GAN: variants seen among roughly 807,000 people sequenced by gnomAD.
GAN encodes gigaxonin.
Under a neutral mutation model 71.3 loss-of-function variants are expected in GAN, and 48 were observed. The observed-to-expected ratio is 0.67, with a 90% CI of 0.53 to 0.86. The LOEUF is 0.86. Ranked by LOEUF, GAN falls within the 40% of genes least tolerant of loss-of-function variation. The pLI is 0.00. For synonymous variants in GAN, 386 were observed against 276.8 expected (o/e 1.39, Z -3.92); for missense variants, 928 against 770.1 (o/e 1.21, Z -2.43).
chr16:81,373,407 C>T (rs1465587710), intron 9 of GAN, among the ~76,000 whole-genome samples: 1 of 152,186 alleles, frequency 6.6e-6, no homozygotes, highest in African/African-American at 2.4e-5. Flanking sequence ...TATTACATAG[C>T]AGGGTCTAGA....
chr16:81,378,541 C>A lies in GAN; in HGVS notation c.*945C>A, dbSNP rs1904290023. 6.6e-6 allele frequency: 1 copy of A among 152,358 alleles called. No individual in the cohort carries two copies. The highest frequency in any genetic ancestry group is 1.5e-5 in the Non-Finnish European group (1 of 68,028). 9.4% of individuals were successfully genotyped at this position (152,358 alleles called of 1,614,324 possible). A position where few individuals can be genotyped will look rare whatever the true frequency, so the allele number is the denominator to read the frequency against. ...CTATCCAGACAAAATACATAGGGAT[C>A]AGAAACTTTTTCATATAACCTGTCT... On this transcript the variant is annotated 3_prime_UTR_variant, in exon 11 of 11. Transcript: ENST00000648994.
At chr16:81,361,142 T>G (rs1414963473) in intron 5 of GAN, among the ~76,000 whole-genome samples, 1 of 152,150 alleles carries the variant, frequency 6.6e-6, no homozygotes, top group African/African-American at 2.4e-5. Flanking sequence ...GGAGAATCGC[T>G]TGAACCCAGG....
chr16:81,342,999 C>A (rs111296276), intron 1 of GAN, among the ~76,000 whole-genome samples: 1 of 152,100 alleles, frequency 6.6e-6, no homozygotes, highest in Non-Finnish European at 1.5e-5. Context: ...ACTATGAACA[C>A]CTCTACAGAA....
At chr16:81,376,638 GTGTGTA>G (rs1567500988) in intron 9 of GAN, among the ~76,000 whole-genome samples, 1 of 16,144 alleles carries the variant, frequency 6.2e-5, no homozygotes, top group Non-Finnish European at 1.2e-4. Context: ...ATACATATAT[GTGTGTA>G]TATATGTGTG....
At chr16:81,373,694 A>G (rs182054864) in intron 9 of GAN, among the ~76,000 whole-genome samples, 1 of 152,172 alleles carries the variant, frequency 6.6e-6, no homozygotes, top group Non-Finnish European at 1.5e-5. Context: ...CCAGGATTCT[A>G]CCTTGCATTC....
intron 2 of GAN, among the ~76,000 whole-genome samples, chr16:81,353,992 G>C (rs1372924229): frequency 2.0e-5 from 3 of 152,152 alleles, no homozygotes; most frequent in Non-Finnish European, 4.4e-5. Context: ...GAACTTCATA[G>C]GTGGGGAGGC....
At chr16:81,318,556 G>T (rs543111642) in intron 1 of GAN, among the ~76,000 whole-genome samples, 1 of 152,250 alleles carries the variant, frequency 6.6e-6, no homozygotes, top group East Asian at 1.9e-4. Context: ...CTTACTATGT[G>T]CCCAACAAAG....
intron 1 of GAN, among the ~76,000 whole-genome samples, chr16:81,344,576 C>T (rs999551733): frequency 1.3e-5 from 2 of 152,096 alleles, no homozygotes; most frequent in African/African-American, 4.8e-5. Context: ...AAAACTGAAA[C>T]TGGACCTTCT....
chr16:81,346,750 A>C (rs900033251), intron 1 of GAN, among the ~76,000 whole-genome samples: 13 of 152,072 alleles, frequency 8.5e-5, no homozygotes, highest in Non-Finnish European at 1.8e-4. Flanking sequence ...CTCTGGGGAA[A>C]ACTTCAGGGT....
In GAN at chr16:81,387,221, A is replaced by T. The variant is rs1904428519; in HGVS notation, c.*9625A>T. On this transcript the variant is annotated 3_prime_UTR_variant, in exon 11 of 11. Coordinates refer to ENST00000648994, the MANE Select transcript of GAN (RefSeq NM_022041.4). ...AATGTAAAGTCTTACGTCTCGGTTC[A>T]AGAAAGCACGTTGCTATATGAAATT... The T allele has an allele frequency of 6.6e-6, 1 of 152,252 alleles. No homozygotes were observed. The highest frequency in any genetic ancestry group is 2.1e-4 in the South Asian group (1 of 4,828). The allele number at this position is 152,252 out of a possible 1,614,324, so 9.4% of individuals were successfully genotyped here. A position where few individuals can be genotyped will look rare whatever the true frequency, so the allele number is the denominator to read the frequency against.
chr16:81,351,926 G>A (rs1910313389), intron 2 of GAN, among the ~76,000 whole-genome samples: 1 of 152,184 alleles, frequency 6.6e-6, no homozygotes, highest in Non-Finnish European at 1.5e-5. Flanking sequence ...ATCTCAGTTT[G>A]TTGCTACCAT....
chr16:81,362,665 TTC>T, intron 6 of GAN, 54 bp downstream of exon 6: 1 of 954,966 alleles, frequency 1.0e-6, no homozygotes, highest in Non-Finnish European at 1.7e-6. Context: ...CCCTTAGCGC[TTC>T]TGTTTGTTTT....
At position 81,382,292 on chromosome 16, in the gene GAN, A is replaced by C. The variant is rs946314025; in HGVS notation, c.*4696A>C. On this transcript the variant is annotated 3_prime_UTR_variant, in exon 11 of 11. Transcript: ENST00000648994. ...GGAACTTGATTTTTCTAGGCATACAAGTATTTTTAGTAATAGAATAATCAT... is the reference window on the plus strand; with the variant it reads ...GGAACTTGATTTTTCTAGGCATACACGTATTTTTAGTAATAGAATAATCAT... 3.3e-5 allele frequency: 5 copies of C among 152,342 alleles called. No individual in the cohort carries two copies. The highest frequency in any genetic ancestry group is 7.3e-5 in the Non-Finnish European group (5 of 68,030). 9.4% of individuals were successfully genotyped at this position (152,342 alleles called of 1,614,324 possible).
chr16:81,321,437 A>G (rs920588947), intron 1 of GAN, among the ~76,000 whole-genome samples: 2 of 152,152 alleles, frequency 1.3e-5, no homozygotes, highest in Admixed American at 6.5e-5. Context: ...GTCTCCTTCA[A>G]TGTTCTTAAA....
chr16:81,363,946 G>A lies in GAN; in HGVS notation c.1236+3G>A. 2 of 1,610,880 alleles carry A rather than the reference G, an allele frequency of 1.2e-6. No homozygotes were observed. The highest frequency in any genetic ancestry group is 8.5e-7 in the Non-Finnish European group (1 of 1,177,026). ...CTGATTTGACCATGGTCAGAAAGGT[G>A]AGGACTGCATTTTGTGATAACTAGT... On this transcript the variant is annotated splice_donor_region_variant and intron_variant, in intron 7 of 10. Transcript: ENST00000648994.
At chr16:81,370,234 C>T (rs988216389) in intron 9 of GAN, among the ~76,000 whole-genome samples, 1 of 152,150 alleles carries the variant, frequency 6.6e-6, no homozygotes, top group Non-Finnish European at 1.5e-5. Context: ...ACCCCACTGA[C>T]CACATTGTGC....
rs537543433 is a variant in GAN at position 81,380,242 on chromosome 16, G to C, written c.*2646G>C. Reference sequence around the variant, plus strand: ...AAACATCATTTCTTGATAACTTTTTGATACTTCTTTCTTGATAAGGCACTT... The same window carrying C: ...AAACATCATTTCTTGATAACTTTTTCATACTTCTTTCTTGATAAGGCACTT... On this transcript the variant is annotated 3_prime_UTR_variant, in exon 11 of 11. Coordinates refer to ENST00000648994, the MANE Select transcript of GAN (RefSeq NM_022041.4). 2 of 152,496 alleles carry C rather than the reference G, an allele frequency of 1.3e-5. No homozygotes were observed. The highest frequency in any genetic ancestry group is 2.9e-5 in the Non-Finnish European group (2 of 67,994). 9.4% of individuals were successfully genotyped at this position (152,496 alleles called of 1,614,324 possible). A position where few individuals can be genotyped will look rare whatever the true frequency, so the allele number is the denominator to read the frequency against.
Position 81,387,146 on chromosome 16 carries a change from A to G in GAN, c.*9550A>G, listed in dbSNP as rs1289529680. 1 of 152,242 alleles carries G rather than the reference A, an allele frequency of 6.6e-6. No homozygotes were observed. Among genetic ancestry groups the G allele is most frequent in the Non-Finnish European group, 1.5e-5 (1 of 68,054 alleles). The allele number at this position is 152,242 out of a possible 1,614,324, so 9.4% of individuals were successfully genotyped here. A position where few individuals can be genotyped will look rare whatever the true frequency, so the allele number is the denominator to read the frequency against. On this transcript the variant is annotated 3_prime_UTR_variant, in exon 11 of 11. Coordinates refer to ENST00000648994, the MANE Select transcript of GAN (RefSeq NM_022041.4). Reference sequence around the variant, plus strand: ...TAGAAGGCAAAGAAGAGTGCTGGGCAAGATGTGTTGGGTGTTAGATCTGCA... The same window carrying G: ...TAGAAGGCAAAGAAGAGTGCTGGGCGAGATGTGTTGGGTGTTAGATCTGCA...
intron 1 of GAN, among the ~76,000 whole-genome samples, chr16:81,323,355 C>A (rs746788073): frequency 6.6e-6 from 1 of 152,178 alleles, no homozygotes; most frequent in Non-Finnish European, 1.5e-5. Flanking sequence ...ATTTTTATCA[C>A]CCCCTGAGTG....
Sources: gnomAD v4.1 joint callset for allele counts (sites outside exome capture counted in the v4.1 genomes callset) on GRCh38, gnomAD v4.1.1 for gene constraint, MANE v1.5 for transcripts, NCBI Gene and HGNC (gene_info 2026-07-23, HGNC 2026-07-21) for gene names.